Variants in WDR4 observed in about 807,000 individuals in gnomAD.
WDR4 encodes tRNA (guanine-N(7)-)-methyltransferase non-catalytic subunit WDR4.
WDR4 carries 47 observed loss-of-function variants against 48.6 expected under a neutral mutation model. The ratio of observed to expected loss-of-function variants is 0.97; its 90% CI spans 0.77 to 1.23. The LOEUF (loss-of-function observed/expected upper bound fraction) is 1.23. Ranked by LOEUF, WDR4 falls within the 50% of genes most tolerant of loss-of-function variation. The pLI is 0.00. For missense variants in WDR4, 606 were observed against 551.6 expected (o/e 1.10, Z -0.99); for synonymous variants, 268 against 230.0 (o/e 1.17, Z -1.49).
downstream of WDR4, among the ~76,000 whole-genome samples, chr21:42,845,409 G>A (rs184001415): frequency 5.3e-5 from 8 of 152,356 alleles, no homozygotes; most frequent in East Asian, 9.6e-4. Context: ...AGGGGCCCTC[G>A]CGGCTGGTCA....
chr21:42,855,306 C>G (rs2057957564), intron 7 of WDR4, among the ~76,000 whole-genome samples: 1 of 152,168 alleles, frequency 6.6e-6, no homozygotes. Context: ...TTTGCCAAGG[C>G]CTGGGCTTTC....
upstream of WDR4, among the ~76,000 whole-genome samples, chr21:42,880,941 T>TC (rs992217073): frequency 2.0e-5 from 3 of 151,768 alleles, no homozygotes; most frequent in African/African-American, 7.3e-5. Flanking sequence ...AGTCTTTTTT[T>TC]TTTTTTTAGA....
chr21:42,861,231 T>C (rs2058107716), intron 5 of WDR4, among the ~76,000 whole-genome samples: 1 of 151,152 alleles, frequency 6.6e-6, no homozygotes, highest in South Asian at 2.1e-4. Context: ...GGAGAATCGC[T>C]TGAACCTGGA....
intron 5 of WDR4, among the ~76,000 whole-genome samples, chr21:42,861,433 T>C (rs1371814653): frequency 1.3e-5 from 2 of 151,922 alleles, no homozygotes; most frequent in African/African-American, 4.8e-5. Flanking sequence ...TGATGAAGCA[T>C]TTCCCTAGAA....
At chr21:42,848,862 G>A (rs1434072259), downstream of WDR4, among the ~76,000 whole-genome samples, 1 of 77,356 alleles carries the variant, frequency 1.3e-5, no homozygotes, top group African/African-American at 8.6e-5. Context: ...ATCACACCGC[G>A]CACCTCACAC....
intron 2 of WDR4, among the ~76,000 whole-genome samples, chr21:42,875,915 G>GTTTT (rs1569337249): frequency 4.4e-5 from 3 of 68,220 alleles, no homozygotes; most frequent in Admixed American, 1.1e-4. Flanking sequence ...CTAACACTGT[G>GTTTT]CTTTTTTTTT....
At chr21:42,877,775 T>C (rs1255349989) in intron 1 of WDR4, among the ~76,000 whole-genome samples, 1 of 152,094 alleles carries the variant, frequency 6.6e-6, no homozygotes, top group Admixed American at 6.6e-5. Flanking sequence ...CCGGGCGCGG[T>C]GGTTCACGCC....
In WDR4 at chr21:42,859,738, A is replaced by C. The variant is rs7278765; in HGVS notation, c.567-16T>G. On this transcript the variant is annotated splice_polypyrimidine_tract_variant and intron_variant, in intron 5 of 10. Transcript: ENST00000398208. ...GCTCACAAACCTGTGAGGGCGAGAGAGAGCGGCAGAGTCAGCGAGCCCAGC... is the reference window on the plus strand; with the variant it reads ...GCTCACAAACCTGTGAGGGCGAGAGCGAGCGGCAGAGTCAGCGAGCCCAGC... The C allele has an allele frequency of 3.2e-6, 5 of 1,554,330 alleles. No homozygotes were observed. The highest frequency in any genetic ancestry group is 4.4e-6 in the Non-Finnish European group (5 of 1,148,716).
At chr21:42,876,811 G>A (rs2058502726) in intron 1 of WDR4, 44 bp from the exon 2 acceptor site, 2 of 1,569,316 alleles carry the variant, frequency 1.3e-6, no homozygotes, top group Non-Finnish European at 1.7e-6. Flanking sequence ...TATCATTAGA[G>A]AGAAATAACA....
chr21:42,873,541 C>T lies in WDR4; in HGVS notation c.296+10G>A. ...CGACATCTTAAGAATCCAGCGTTAG[C>T]ATCTCATACCTGACACTCAGACATT... On this transcript the variant is annotated intron_variant, in intron 3 of 10. Coordinates refer to ENST00000398208, the MANE Select transcript of WDR4 (RefSeq NM_018669.6). 1.2e-6 allele frequency: 2 copies of T among 1,613,728 alleles called. No homozygotes were observed. Among genetic ancestry groups the T allele is most frequent in the Non-Finnish European group, 1.7e-6 (2 of 1,179,736 alleles).
At chr21:42,886,416 T>C in the WDR4 span, among the ~76,000 whole-genome samples, 1 of 152,254 alleles carries the variant, frequency 6.6e-6, no homozygotes, top group Non-Finnish European at 1.5e-5. Flanking sequence ...ATTTTGCTAG[T>C]GTACATGGGA....
intron 5 of WDR4, among the ~76,000 whole-genome samples, chr21:42,861,859 T>C (rs2058123827): frequency 6.6e-6 from 1 of 152,082 alleles, no homozygotes; most frequent in South Asian, 2.1e-4. Flanking sequence ...CCTGGCAGAG[T>C]GTGCTGCCAC....
chr21:42,858,865 C>T (rs1195845041), intron 6 of WDR4, among the ~76,000 whole-genome samples: 1 of 152,146 alleles, frequency 6.6e-6, no homozygotes, highest in African/African-American at 2.4e-5. Context: ...CATCAGCCAT[C>T]CTGCCACACC....
intron 2 of WDR4, among the ~76,000 whole-genome samples, chr21:42,875,559 A>AAAAT (rs2058471012): frequency 6.6e-6 from 1 of 152,124 alleles, no homozygotes; most frequent in African/African-American, 2.4e-5. Flanking sequence ...ATCTCAAAAA[A>AAAAT]AAATTAGGTA....
intron 2 of WDR4, among the ~76,000 whole-genome samples, chr21:42,875,749 T>C (rs13046866): frequency 0.076 from 11,561 of 152,108 alleles, 513 homozygotes; most frequent in East Asian, 0.15. Context: ...ACAATACCAA[T>C]GATAACTAAA....
chr21:42,852,368 C>T (rs1206340269), intron 9 of WDR4, 44 bp from the exon 10 acceptor site: 5 of 1,605,260 alleles, frequency 3.1e-6, no homozygotes, highest in Non-Finnish European at 4.3e-6. Context: ...AGAGGCAGGC[C>T]TGGAAACCCA....
the WDR4 span, among the ~76,000 whole-genome samples, chr21:42,892,380 G>A: frequency 1.3e-5 from 2 of 152,070 alleles, no homozygotes; most frequent in African/African-American, 4.8e-5. Flanking sequence ...CTCCCAGGGT[G>A]GATGGTGGCA....
At chr21:42,854,731 T>G (rs1401109764) in intron 7 of WDR4, 105 bp from the exon 8 acceptor site, 10 of 1,043,316 alleles carry the variant, frequency 9.6e-6, no homozygotes, top group Non-Finnish European at 1.4e-5. Flanking sequence ...CGCCCCCACA[T>G]ATCAAGGAAG....
chr21:42,884,691 A>C, the WDR4 span, among the ~76,000 whole-genome samples: 1 of 152,050 alleles, frequency 6.6e-6, no homozygotes, highest in African/African-American at 2.4e-5. Flanking sequence ...CTGATTCACA[A>C]AGTGGCTACA....
Sources: gnomAD v4.1 joint callset for allele counts (sites outside exome capture counted in the v4.1 genomes callset) on GRCh38, gnomAD v4.1.1 for gene constraint, MANE v1.5 for transcripts, NCBI Gene and HGNC (gene_info 2026-07-23, HGNC 2026-07-21) for gene names.